Variants in HLA-F observed in about 807,000 individuals in gnomAD.
The protein encoded by HLA-F is HLA class I histocompatibility antigen, alpha chain F.
HLA-F carries 46 observed loss-of-function variants against 49.5 expected under a neutral mutation model. The observed-to-expected ratio is 0.93, with a 90% CI of 0.73 to 1.19. The LOEUF (loss-of-function observed/expected upper bound fraction) is 1.19, where lower values mean the gene tolerates loss of function less well. HLA-F is among the 50% of genes most tolerant of loss of function. The pLI is 0.00. For missense variants in HLA-F, 496 were observed against 579.6 expected (o/e 0.86, Z 1.48); for synonymous variants, 203 against 233.5 (o/e 0.87, Z 1.19).
intron 3 of HLA-F, among the ~76,000 whole-genome samples, chr6:29,736,993 T>G (rs1377023619): frequency 6.6e-6 from 1 of 152,174 alleles, no homozygotes; most frequent in East Asian, 1.9e-4. Context: ...AAAAACAAGT[T>G]TCTACTGAAT....
chr6:29,727,354 T>G (rs1483787662), downstream of HLA-F: 1 of 496,732 alleles, frequency 2.0e-6, no homozygotes, highest in Non-Finnish European at 3.5e-6. Flanking sequence ...TTTGTACCTA[T>G]TTTTTATAGC....
At chr6:29,724,120 G>C (rs764147863) in intron 2 of HLA-F, 53 bp from the exon 3 acceptor site, 6 of 1,600,930 alleles carry the variant, frequency 3.7e-6, no homozygotes, top group Non-Finnish European at 5.1e-6. Context: ...CCGCGGGTTG[G>C]GCGGGGAGGG....
chr6:29,736,187 C>T (rs1185603456), intron 3 of HLA-F: 2 of 337,002 alleles, frequency 5.9e-6, no homozygotes, highest in Non-Finnish European at 1.2e-5. Flanking sequence ...AGCCACTGCC[C>T]ATGACTCATT....
chr6:29,733,360 A>C, intron 3 of HLA-F, among the ~76,000 whole-genome samples: 1 of 151,830 alleles, frequency 6.6e-6, no homozygotes, highest in South Asian at 2.1e-4. Flanking sequence ...TGTGTATTTT[A>C]TTTTTTTTAA....
chr6:29,728,648 G>C (rs1776325037), downstream of HLA-F: 1 of 152,154 alleles, frequency 6.6e-6, no homozygotes, highest in Admixed American at 6.5e-5. Context: ...TTCCATCAAA[G>C]AAATAATATT....
At chr6:29,730,650 T>G (rs1198370239), downstream of HLA-F, among the ~76,000 whole-genome samples, 3 of 151,950 alleles carry the variant, frequency 2.0e-5, no homozygotes, top group Non-Finnish European at 2.9e-5. Flanking sequence ...TCTCAAGAAC[T>G]GTAAACCAGA....
At chr6:29,737,328 G>A (rs1185434409) in intron 3 of HLA-F, among the ~76,000 whole-genome samples, 1 of 151,360 alleles carries the variant, frequency 6.6e-6, no homozygotes, top group African/African-American at 2.4e-5. Context: ...ACCTTGGGGT[G>A]CAATCTGCAA....
At chr6:29,727,421 A>C (rs544014338), downstream of HLA-F, 9 of 421,650 alleles carry the variant, frequency 2.1e-5, no homozygotes, top group East Asian at 3.4e-4. Context: ...AATTACCTAC[A>C]ATCTATAACA....
At chr6:29,738,066 G>A (rs1777270739) in intron 3 of HLA-F, 1 of 152,284 alleles carries the variant, frequency 6.6e-6, no homozygotes, top group Non-Finnish European at 1.5e-5. Context: ...CAGAAGTGGA[G>A]ATGACACCAT....
At chr6:29,723,597 G>A in intron 1 of HLA-F, 61 bp from the exon 2 acceptor site, 1 of 1,599,860 alleles carries the variant, frequency 6.3e-7, no homozygotes, top group Non-Finnish European at 8.5e-7. Flanking sequence ...TGGGGGCGCA[G>A]GACTCAGGGA....
intron 2 of HLA-F, 38 bp from the exon 3 acceptor site, chr6:29,724,135 G>A (rs756733239): frequency 1.2e-6 from 2 of 1,610,490 alleles, no homozygotes; most frequent in Non-Finnish European, 1.7e-6. Context: ...GGAGGGGGCG[G>A]GGCTAGCTGG....
chr6:29,726,953 C>A lies in HLA-F; in HGVS notation c.1107C>A (p.Phe369Leu). 6.2e-7 allele frequency: 1 copy of A among 1,612,170 alleles called. No homozygotes were observed. ...GCTTATTTCTCCTGGGGGTGCTCTT[C>A]CAAGGATATTTGGGCTGCCTCCGGA... is the stretch of plus-strand genomic sequence containing the variant. ...WSSLFLLGVL[F>L]QGYLGCLRSH... Residue 369 changes from phenylalanine (F) to leucine (L), a missense_variant, in exon 7 of 7, where the codon TTC (phenylalanine) becomes TTA (leucine). Physicochemically the swap from Phe to Leu is conservative, Grantham distance 22. Transcript: ENST00000259951.
chr6:29,734,848 C>T (rs1481777132), intron 3 of HLA-F, among the ~76,000 whole-genome samples: 1 of 152,166 alleles, frequency 6.6e-6, no homozygotes, highest in East Asian at 1.9e-4. Context: ...GACCCTGTCA[C>T]CACAAGTCTG....
At chr6:29,732,333 C>A (rs1211110643) in intron 3 of HLA-F, among the ~76,000 whole-genome samples, 1 of 152,038 alleles carries the variant, frequency 6.6e-6, no homozygotes, top group Admixed American at 6.6e-5. Context: ...ACATGCTTGT[C>A]AAAATATTAC....
At chr6:29,726,708 G>A (rs544834811) in intron 6 of HLA-F, 175 bp from the exon 7 acceptor site, 153 of 1,263,450 alleles carry the variant, frequency 1.2e-4, no homozygotes, top group Admixed American at 1.1e-3. Context: ...CCAAAGCATC[G>A]TAGTCAGGAG....
At chr6:29,726,330 T>C in intron 6 of HLA-F, 1 of 1,495,204 alleles carries the variant, frequency 6.7e-7, no homozygotes, top group South Asian at 1.1e-5. Context: ...GTCTTGAGCA[T>C]GAAATGGGCT....
At position 29,725,172 on chromosome 6, in the gene HLA-F, T is replaced by C; in HGVS notation, c.752T>C (p.Leu251Pro). The change falls in exon 4 of 7, where the codon CTT becomes CCT. Residue 251 changes from leucine to proline, a missense_variant. Transcript: ENST00000259951. ...DGEEQTQDTE[L>P]VETRPAGDGT... is the part of the protein sequence containing the mutation. ...GAGGAACAGACCCAGGACACAGAGC[T>C]TGTGGAGACCAGGCCTGCAGGGGAT... 6.2e-7 allele frequency: 1 copy of C among 1,614,048 alleles called. No individual in the cohort carries two copies. The highest frequency in any genetic ancestry group is 8.5e-7 in the Non-Finnish European group (1 of 1,180,006).
intron 1 of HLA-F, 33 bp from the exon 2 acceptor site, chr6:29,723,625 G>C: frequency 6.2e-7 from 1 of 1,604,380 alleles, no homozygotes; most frequent in Admixed American, 1.7e-5. Context: ...CCGGAGGAGG[G>C]TCTGGCGGGT....
chr6:29,723,946 G>T lies in HLA-F; in HGVS notation c.334+19G>T, dbSNP rs1489902750. On this transcript the variant is annotated intron_variant, in intron 2 of 6. Coordinates refer to ENST00000259951, the MANE Select transcript of HLA-F (RefSeq NM_001098479.2). Reference sequence around the variant, plus strand: ...GAGGCTGGTGAGTGAACCCGGCCGGGGGCGCAGGTCACGACCACCCCCCAT... The same window carrying T: ...GAGGCTGGTGAGTGAACCCGGCCGGTGGCGCAGGTCACGACCACCCCCCAT... 1 of 1,582,528 alleles carries T rather than the reference G, an allele frequency of 6.3e-7. No homozygotes were observed.
Sources: gnomAD v4.1 joint callset for allele counts (sites outside exome capture counted in the v4.1 genomes callset) on GRCh38, gnomAD v4.1.1 for gene constraint, MANE v1.5 for transcripts, NCBI Gene and HGNC (gene_info 2026-07-23, HGNC 2026-07-21) for gene names.